SAMMSON: variants seen among roughly 807,000 people sequenced by gnomAD.
The protein encoded by SAMMSON is long intergenic non-protein coding RNA 1212.
intron 4 of SAMMSON, among the ~76,000 whole-genome samples, chr3:70,149,607 G>A (rs544282569): frequency 1.3e-5 from 2 of 152,062 alleles, no homozygotes; most frequent in South Asian, 2.1e-4. Context: ...GCTGATGCAT[G>A]CTAAGATTTG....
chr3:70,396,124 G>A (rs927711110), intron 2 of SAMMSON, among the ~76,000 whole-genome samples: 6 of 152,086 alleles, frequency 3.9e-5, no homozygotes, highest in Non-Finnish European at 4.4e-5. Flanking sequence ...TGGGCACAGT[G>A]ACTGGCACAT....
chr3:70,236,016 C>T (rs1701605373), intron 4 of SAMMSON, among the ~76,000 whole-genome samples: 2 of 152,134 alleles, frequency 1.3e-5, no homozygotes, highest in African/African-American at 2.4e-5. Flanking sequence ...ATACTAGCAG[C>T]GAATGAATGA....
chr3:70,023,939 GC>G (rs1486816153), intron 3 of SAMMSON, among the ~76,000 whole-genome samples: 2 of 152,092 alleles, frequency 1.3e-5, no homozygotes, highest in Non-Finnish European at 2.9e-5. Flanking sequence ...CTCCCAGAAT[GC>G]CCACAGTTTT....
intron 4 of SAMMSON, among the ~76,000 whole-genome samples, chr3:70,082,064 A>T (rs1244653171): frequency 2.0e-5 from 3 of 152,154 alleles, no homozygotes; most frequent in African/African-American, 7.2e-5. Context: ...TTTGACTGTT[A>T]TTCCAACACA....
chr3:70,240,768 A>T (rs62254859), intron 4 of SAMMSON, among the ~76,000 whole-genome samples: 8,426 of 152,182 alleles, frequency 0.055, 243 homozygotes, highest in Middle Eastern at 0.075. Context: ...AGCAAGCCAC[A>T]AGTCTGAGTT....
chr3:70,257,088 G>A (rs1490133297), intron 6 of SAMMSON, among the ~76,000 whole-genome samples: 2 of 151,976 alleles, frequency 1.3e-5, no homozygotes, highest in Admixed American at 6.6e-5. Flanking sequence ...AAATGAGAGA[G>A]GATATTTATA....
intron 1 of SAMMSON, among the ~76,000 whole-genome samples, chr3:70,006,140 T>A (rs2066925419): frequency 6.6e-6 from 1 of 152,160 alleles, no homozygotes; most frequent in Non-Finnish European, 1.5e-5. Context: ...GTGCTAATCA[T>A]GAAACTCAGT....
At chr3:70,247,514 G>A (rs981358856) in intron 4 of SAMMSON, among the ~76,000 whole-genome samples, 4 of 151,592 alleles carry the variant, frequency 2.6e-5, no homozygotes, top group African/African-American at 9.7e-5. Flanking sequence ...TTCTAGAGGA[G>A]TTTAAACATA....
At chr3:70,168,670 C>A (rs1448720807) in intron 4 of SAMMSON, among the ~76,000 whole-genome samples, 1 of 151,954 alleles carries the variant, frequency 6.6e-6, no homozygotes, top group Non-Finnish European at 1.5e-5. Flanking sequence ...CATATCAATA[C>A]TTATTTATGG....
At chr3:70,136,908 TAAAC>T (rs916543175) in intron 4 of SAMMSON, among the ~76,000 whole-genome samples, 20 of 152,192 alleles carry the variant, frequency 1.3e-4, no homozygotes, top group Non-Finnish European at 8.8e-5. Flanking sequence ...TCAAAGGAAA[TAAAC>T]AATAATATCA....
At chr3:70,225,361 C>T (rs558411517) in intron 4 of SAMMSON, among the ~76,000 whole-genome samples, 35 of 152,214 alleles carry the variant, frequency 2.3e-4, no homozygotes, top group Non-Finnish European at 4.0e-4. Flanking sequence ...AGAGTTCTGC[C>T]GTTCAAGTCG....
At chr3:70,208,805 C>A (rs1458377823) in intron 4 of SAMMSON, among the ~76,000 whole-genome samples, 1 of 152,052 alleles carries the variant, frequency 6.6e-6, no homozygotes, top group Non-Finnish European at 1.5e-5. Context: ...TTGTTTCTTT[C>A]TGATCCTCCA....
intron 4 of SAMMSON, among the ~76,000 whole-genome samples, chr3:70,224,717 GT>G (rs540424878): frequency 1.1e-4 from 16 of 148,758 alleles, no homozygotes; most frequent in Admixed American, 2.7e-4. Context: ...TTCACCCTTG[GT>G]TTTTTTTTTA....
At chr3:70,154,809 T>C (rs1488286474) in intron 4 of SAMMSON, among the ~76,000 whole-genome samples, 1 of 152,062 alleles carries the variant, frequency 6.6e-6, no homozygotes, top group East Asian at 1.9e-4. Flanking sequence ...TAGGCCATGC[T>C]ACTTTTGTTG....
intron 4 of SAMMSON, among the ~76,000 whole-genome samples, chr3:70,141,002 T>C (rs1259321091): frequency 6.6e-6 from 1 of 152,284 alleles, no homozygotes; most frequent in East Asian, 1.9e-4. Context: ...GGGACATTCA[T>C]GGCAATGTAG....
At chr3:70,432,334 G>A (rs1366026953) in intron 2 of SAMMSON, among the ~76,000 whole-genome samples, 4 of 149,978 alleles carry the variant, frequency 2.7e-5, no homozygotes, top group Admixed American at 2.0e-4. Context: ...TGTTTATTAG[G>A]CCATCCATCT....
chr3:70,153,900 C>T (rs1040314382), intron 4 of SAMMSON, among the ~76,000 whole-genome samples: 6 of 151,894 alleles, frequency 4.0e-5, no homozygotes, highest in Non-Finnish European at 7.4e-5. Flanking sequence ...AATACTTATT[C>T]TACTTTTTGA....
At position 70,287,846 on chromosome 3, in the gene SAMMSON, A is replaced by G. The variant is rs1325788822; in HGVS notation, n.675-3333A>G. 3.3e-5 allele frequency among the ~76,000 whole-genome samples: 5 copies of G among 151,932 alleles called. No individual in the cohort carries two copies. In the South Asian group the frequency reaches 1.0e-3, roughly 32 times the overall value. ...TCTAGATTTTCTAGTTTATTTGCGT[A>G]GAGGTGTTTGTAGTATTCTCTGATG... On this transcript the variant is annotated intron_variant and non_coding_transcript_variant, in intron 6 of 9. Coordinates refer to ENST00000642114, the Ensembl canonical transcript of SAMMSON.
At chr3:70,334,417 G>A (rs978942595) in intron 7 of SAMMSON, among the ~76,000 whole-genome samples, 1 of 151,864 alleles carries the variant, frequency 6.6e-6, no homozygotes, top group African/African-American at 2.4e-5. Flanking sequence ...ATATACAAAT[G>A]TATGTAATAT....
Sources: allele counts gnomAD v4.1 joint callset (sites outside exome capture counted in the v4.1 genomes callset), GRCh38; gene constraint gnomAD v4.1.1; transcripts MANE v1.5; gene names NCBI Gene and HGNC (gene_info 2026-07-23, HGNC 2026-07-21).